Variants in ANKS1B observed in about 807,000 individuals in gnomAD.
The protein encoded by ANKS1B is ankyrin repeat and sterile alpha motif domain containing 1B, also known as ankyrin repeat and sterile alpha motif domain-containing protein 1B.
Under a neutral mutation model 148.3 loss-of-function variants are expected in ANKS1B, and 36 were observed. That is an observed-to-expected ratio of 0.24 (90% CI 0.19 to 0.32). ANKS1B has a LOEUF of 0.32. Among genes scored for constraint, ANKS1B ranks in the 10% least tolerant of loss-of-function variants. The probability of loss-of-function intolerance (pLI) is 1.00; values close to 1 mark genes in which losing one functional copy is unlikely to be tolerated. For synonymous variants in ANKS1B, 542 were observed against 560.8 expected (o/e 0.97, Z 0.47); for missense variants, 1,157 against 1,542.6 (o/e 0.75, Z 4.19).
intron 1 of ANKS1B, among the ~76,000 whole-genome samples, chr12:99,890,966 G>A (rs923475887): frequency 1.3e-5 from 2 of 152,154 alleles, no homozygotes; most frequent in Admixed American, 6.6e-5. Flanking sequence ...GCCCACCATA[G>A]GAAACCATTC....
At position 99,282,406 on chromosome 12, in the gene ANKS1B, G is replaced by T. The variant is rs532335571; in HGVS notation, c.1757-35542C>A. Among the ~76,000 whole-genome samples the T allele has an allele frequency of 6.6e-5, 10 of 152,222 alleles. No homozygotes were observed. In the South Asian group the frequency reaches 2.1e-3, roughly 32 times the overall value. On this transcript the variant is annotated intron_variant, in intron 12 of 26. Transcript: ENST00000683438. ...CTTGCCTTACTTTTATAGGGCTTCT[G>T]GTTTTCACTGATTTAAGAGTTGAAA...
chr12:98,775,795 T>C (rs779431539), intron 24 of ANKS1B, among the ~76,000 whole-genome samples: 1 of 152,092 alleles, frequency 6.6e-6, no homozygotes, highest in East Asian at 1.9e-4. Context: ...GGACTGTCTT[T>C]TAGCTGCCCA....
At chr12:99,192,591 T>C (rs998640436) in intron 14 of ANKS1B, among the ~76,000 whole-genome samples, 5 of 152,138 alleles carry the variant, frequency 3.3e-5, no homozygotes, top group African/African-American at 1.2e-4. Context: ...TTATTTCTAA[T>C]AACAACGAAG....
At chr12:99,961,771 G>A (rs1018729279) in intron 1 of ANKS1B, among the ~76,000 whole-genome samples, 2 of 152,154 alleles carry the variant, frequency 1.3e-5, no homozygotes, top group African/African-American at 4.8e-5. Flanking sequence ...GAGTTTTGGA[G>A]GGATTTTTAA....
intron 9 of ANKS1B, among the ~76,000 whole-genome samples, chr12:99,505,036 T>G (rs763321494): frequency 1.3e-5 from 2 of 151,968 alleles, no homozygotes; most frequent in African/African-American, 2.4e-5. Context: ...AGATGTAAGA[T>G]GAAGTTTGCT....
chr12:99,318,571 A>T (rs1435788031), intron 12 of ANKS1B, among the ~76,000 whole-genome samples: 1 of 151,902 alleles, frequency 6.6e-6, no homozygotes, highest in Non-Finnish European at 1.5e-5. Flanking sequence ...TTTCTCCATT[A>T]TTAGTCTTGC....
intron 9 of ANKS1B, among the ~76,000 whole-genome samples, chr12:99,606,393 T>C (rs2097851846): frequency 6.6e-6 from 1 of 152,012 alleles, no homozygotes; most frequent in South Asian, 2.1e-4. Flanking sequence ...TAATTACATG[T>C]ATTAACTATA....
At chr12:99,066,233 A>G (rs1169533457) in intron 16 of ANKS1B, among the ~76,000 whole-genome samples, 1 of 152,136 alleles carries the variant, frequency 6.6e-6, no homozygotes, top group African/African-American at 2.4e-5. Context: ...AGGCGCGAGA[A>G]TTGCTTGAAC....
intron 10 of ANKS1B, among the ~76,000 whole-genome samples, chr12:99,479,596 G>T (rs966278624): frequency 6.6e-6 from 1 of 151,876 alleles, no homozygotes; most frequent in South Asian, 2.1e-4. Context: ...GAACCTGGGG[G>T]ACATTATGCT....
intron 8 of ANKS1B, among the ~76,000 whole-genome samples, chr12:99,746,341 C>CTGAT (rs1247908760): frequency 1.1e-4 from 16 of 151,966 alleles, no homozygotes; most frequent in Non-Finnish European, 1.9e-4. Context: ...AAATGAAATG[C>CTGAT]TCATGTATTA....
chr12:98,796,439 C>T (rs115388329), intron 22 of ANKS1B, among the ~76,000 whole-genome samples: 1,573 of 152,162 alleles, frequency 0.01, 19 homozygotes, highest in African/African-American at 0.037. Flanking sequence ...GCTGAAATGC[C>T]ACCATGCTGA....
At chr12:99,954,375 G>A (rs568665079) in intron 1 of ANKS1B, among the ~76,000 whole-genome samples, 1 of 152,232 alleles carries the variant, frequency 6.6e-6, no homozygotes, top group African/African-American at 2.4e-5. Context: ...CCTCAACTAT[G>A]CCTAACTATA....
At chr12:99,610,855 T>C (rs921171866) in intron 9 of ANKS1B, among the ~76,000 whole-genome samples, 1 of 152,084 alleles carries the variant, frequency 6.6e-6, no homozygotes, top group African/African-American at 2.4e-5. Flanking sequence ...GTCAAGAATA[T>C]TTATGAGTAT....
At chr12:99,784,069 A>G (rs1224939053) in intron 4 of ANKS1B, among the ~76,000 whole-genome samples, 1 of 152,026 alleles carries the variant, frequency 6.6e-6, no homozygotes, top group Non-Finnish European at 1.5e-5. Context: ...TAAGAAACCC[A>G]GATGATATTT....
intron 1 of ANKS1B, among the ~76,000 whole-genome samples, chr12:99,937,164 T>C (rs1007472433): frequency 6.6e-5 from 10 of 152,182 alleles, no homozygotes; most frequent in Non-Finnish European, 1.3e-4. Context: ...TGAAGCCCAC[T>C]CATGGATGTG....
chr12:99,268,614 T>C (rs1220542506), intron 12 of ANKS1B, among the ~76,000 whole-genome samples: 6 of 152,220 alleles, frequency 3.9e-5, no homozygotes, highest in Admixed American at 1.3e-4. Flanking sequence ...ACAAAGGTAA[T>C]GGGCATAAAA....
rs576907044 is a variant in ANKS1B, at chr12:99,682,164, G to A, written c.1129-26954C>T. ...CAGACAGCAACACAATATTAGTGGA[G>A]GACTTCAATACTCCACTGACAGCAC... On this transcript the variant is annotated intron_variant, in intron 8 of 26. Transcript: ENST00000683438. Among the ~76,000 whole-genome samples the A allele has an allele frequency of 3.8e-4, 58 of 152,238 alleles. 1 individual carries two copies. The highest frequency in any genetic ancestry group is 1.4e-3 in the African/African-American group (57 of 41,534).
intron 9 of ANKS1B, among the ~76,000 whole-genome samples, chr12:99,526,438 A>C (rs2096927386): frequency 6.6e-6 from 1 of 152,182 alleles, no homozygotes; most frequent in Non-Finnish European, 1.5e-5. Flanking sequence ...ACTCTATCTA[A>C]AAAATGCTAA....
At chr12:99,922,305 T>G (rs1268196730) in intron 1 of ANKS1B, among the ~76,000 whole-genome samples, 1 of 152,156 alleles carries the variant, frequency 6.6e-6, no homozygotes, top group Non-Finnish European at 1.5e-5. Context: ...CTTCTTTAAT[T>G]CTTCCAACAG....
Sources: gnomAD v4.1 joint callset for allele counts (sites outside exome capture counted in the v4.1 genomes callset) on GRCh38, gnomAD v4.1.1 for gene constraint, MANE v1.5 for transcripts, NCBI Gene and HGNC (gene_info 2026-07-23, HGNC 2026-07-21) for gene names.